The following RUSC2 variants were observed in gnomAD, a reference collection of about 807,000 sequenced individuals.
The protein encoded by RUSC2 is RUN and SH3 domain containing 2, also known as AP-4 complex accessory subunit RUSC2.
Under a neutral mutation model 122.2 loss-of-function variants are expected in RUSC2, and 34 were observed. The observed-to-expected ratio is 0.28, with a 90% CI of 0.21 to 0.37. RUSC2 has a LOEUF of 0.37. RUSC2 is among the 10% of genes least tolerant of loss of function. RUSC2 has a pLI of 1.00. For synonymous variants in RUSC2, 784 were observed against 790.0 expected (o/e 0.99, Z 0.13); for missense variants, 1,747 against 1,952.4 (o/e 0.89, Z 1.98).
At chr9:35,499,920 G>T (rs1820791102) in intron 1 of RUSC2, among the ~76,000 whole-genome samples, 1 of 152,110 alleles carries the variant, frequency 6.6e-6, no homozygotes, top group African/African-American at 2.4e-5. Context: ...TCCTCAAGTT[G>T]TTTCTCTTCC....
chr9:35,519,531 A>G (rs1320341574), intron 1 of RUSC2, among the ~76,000 whole-genome samples: 7 of 152,138 alleles, frequency 4.6e-5, no homozygotes, highest in Admixed American at 3.3e-4. Flanking sequence ...GGGCCAGCCT[A>G]CCAGCCTAGA....
chr9:35,527,497 T>C (rs1398003329), intron 1 of RUSC2, among the ~76,000 whole-genome samples: 1 of 152,178 alleles, frequency 6.6e-6, no homozygotes, highest in African/African-American at 2.4e-5. Flanking sequence ...GTTTCTAACT[T>C]CTGAACATAT....
intron 1 of RUSC2, among the ~76,000 whole-genome samples, chr9:35,490,574 A>G (rs1820546977): frequency 6.6e-6 from 1 of 152,132 alleles, no homozygotes; most frequent in African/African-American, 2.4e-5. Context: ...GCTTTGGGGA[A>G]GCGTGGCCGC....
At chr9:35,531,209 T>C (rs1821412768) in intron 1 of RUSC2, among the ~76,000 whole-genome samples, 2 of 151,942 alleles carry the variant, frequency 1.3e-5, no homozygotes, top group Non-Finnish European at 2.9e-5. Flanking sequence ...TGCAGTGAGC[T>C]GAGATCGCAC....
intron 2 of RUSC2, among the ~76,000 whole-genome samples, chr9:35,553,603 A>C (rs145284300): frequency 6.6e-6 from 1 of 152,324 alleles, no homozygotes; most frequent in South Asian, 2.1e-4. Context: ...GTGATATTTG[A>C]GCTGATGCCT....
chr9:35,547,103 G>A lies in RUSC2; in HGVS notation c.582G>A (p.Glu194=). 4 of 1,614,182 alleles carry A rather than the reference G, an allele frequency of 2.5e-6. No homozygotes were observed. In the South Asian group the frequency reaches 4.4e-5, roughly 18 times the overall value. Residue 194 remains glutamate (E), a synonymous_variant, in exon 2 of 12, where the codon GAG becomes GAA. Coordinates refer to ENST00000361226, the MANE Select transcript of RUSC2 (RefSeq NM_014806.5). The surrounding 1 kb of genome is among the most constrained non-coding windows in gnomAD (Gnocchi z 4.6). ...QCGTSHCCRP[E]LEAETMELDE... ...GCACCAGCCACTGCTGCCGGCCAGA[G>A]CTGGAAGCAGAGACTATGGAGCTGG...
Position 35,555,802 on chromosome 9 carries a change from G to C in RUSC2, c.2656+101G>C. On this transcript the variant is annotated intron_variant, in intron 3 of 11. Transcript: ENST00000361226. The surrounding 1 kb of genome is among the most constrained non-coding windows in gnomAD (Gnocchi z 4.6). The stretch of plus-strand genomic sequence containing the variant: ...GCTTACACTCTCACCTGGGGCCAGA[G>C]GTTAGGATGTCTGCATCCCTCCCTC... 6.8e-7 allele frequency: 1 copy of C among 1,478,692 alleles called. No homozygotes were observed. Among genetic ancestry groups the C allele is most frequent in the African/African-American group, 1.4e-5 (1 of 71,174 alleles). 91.6% of individuals were successfully genotyped at this position (1,478,692 alleles called of 1,614,324 possible). A position where few individuals can be genotyped will look rare whatever the true frequency, so the allele number is the denominator to read the frequency against.
intron 5 of RUSC2, among the ~76,000 whole-genome samples, chr9:35,556,728 G>A (rs1298854819): frequency 6.6e-6 from 1 of 152,234 alleles, no homozygotes; most frequent in East Asian, 1.9e-4. Context: ...TCGGGAGGCT[G>A]AGGCAGGAGA....
rs1306492511 is a variant in RUSC2, at chr9:35,556,149, G to C, written c.2842+12G>C. 2.5e-6 allele frequency: 4 copies of C among 1,613,560 alleles called. No individual in the cohort carries two copies. Among genetic ancestry groups the C allele is most frequent in the Non-Finnish European group, 3.4e-6 (4 of 1,179,710 alleles). ...CTGCCGGCTGAATGGTGTGTGAGCA[G>C]GGTCCCCAGTACACCCGGGGCAGGC... On this transcript the variant is annotated intron_variant, in intron 4 of 11. Coordinates refer to ENST00000361226, the MANE Select transcript of RUSC2 (RefSeq NM_014806.5).
chr9:35,560,723 G>A lies in RUSC2; in HGVS notation c.4083G>A (p.Glu1361=). 1 of 1,551,114 alleles carries A rather than the reference G, an allele frequency of 6.4e-7. No individual in the cohort carries two copies. Residue 1361 remains glutamate, a synonymous_variant, in exon 10 of 12, where the codon GAG becomes GAA. Coordinates refer to ENST00000361226, the MANE Select transcript of RUSC2 (RefSeq NM_014806.5). ...SVLAELRRSR[E]REGPAASPAE... is the part of the protein sequence containing the mutation. The stretch of plus-strand genomic sequence containing the variant: ...TGGCCGAGCTGAGGCGCAGTCGGGA[G>A]AGGGAAGGGCCCGCTGCCTCGCCAG...
intron 1 of RUSC2, among the ~76,000 whole-genome samples, chr9:35,496,623 A>C (rs1040667938): frequency 5.9e-5 from 9 of 152,194 alleles, no homozygotes; most frequent in Admixed American, 3.3e-4. Flanking sequence ...AGTTGTTATG[A>C]ATGTAACATG....
Position 35,560,325 on chromosome 9 carries a change from G to T in RUSC2, c.3685G>T (p.Val1229Leu), listed in dbSNP as rs751207436. The change falls in exon 10 of 12, where the codon GTG becomes TTG. Residue 1229 changes from valine to leucine, a missense_variant. Val to Leu is a conservative substitution (Grantham distance 32, BLOSUM62 1). Transcript: ENST00000361226. ...GGACAGGGCAGCCCAAGGGGAGCGG[G>T]TGAAGGGTGTGGGTGCCTCAGAAGG... Reference protein sequence around the residue: ...DVDRAAQGERVKGVGASEGGE... With the variant: ...DVDRAAQGERLKGVGASEGGE... The T allele has an allele frequency of 3.1e-6, 5 of 1,607,646 alleles. No individual in the cohort carries two copies. In the East Asian group the frequency reaches 1.1e-4, roughly 36 times the overall value.
Position 35,558,509 on chromosome 9 carries a change from T to C in RUSC2, c.3283T>C (p.Phe1095Leu). Residue 1095 changes from phenylalanine to leucine, a missense_variant, in exon 8 of 12, where the codon TTC becomes CTC. Physicochemically the swap from Phe to Leu is conservative, Grantham distance 22. Coordinates refer to ENST00000361226, the MANE Select transcript of RUSC2 (RefSeq NM_014806.5). This position sits in a 1 kb window ranked among gnomAD's most constrained non-coding sequence, Gnocchi z 4.3. The part of the protein sequence containing the change: ...LHGLYNKVSQ[F>L]PELTSHTMRF... ...TGGCCTCTACAACAAAGTCAGCCAA[T>C]TCCCAGAGCTCACCAGTCATACCAT... is the stretch of plus-strand genomic sequence containing the variant. 1.2e-6 allele frequency: 2 copies of C among 1,614,140 alleles called. No individual in the cohort carries two copies. Among genetic ancestry groups the C allele is most frequent in the Non-Finnish European group, 1.7e-6 (2 of 1,180,026 alleles).
intron 1 of RUSC2, among the ~76,000 whole-genome samples, chr9:35,517,694 G>A (rs1821135177): frequency 6.6e-6 from 1 of 152,158 alleles, no homozygotes; most frequent in Non-Finnish European, 1.5e-5. Flanking sequence ...CCTGAAAGAA[G>A]GGCACTGCAT....
Position 35,547,047 on chromosome 9 carries a change from C to G in RUSC2, c.526C>G (p.Pro176Ala). Residue 176 changes from proline (P) to alanine (A), a missense_variant, in exon 2 of 12, where the codon CCA becomes GCA. Pro to Ala is a conservative substitution (Grantham distance 27). Transcript: ENST00000361226. The surrounding 1 kb of genome is among the most constrained non-coding windows in gnomAD (Gnocchi z 4.6). Reference sequence around the variant, plus strand: ...AGTGGTGGAAGGGCAGGAACAGGAGCCAGTGATGACCTTGGATACTCAGCA... The same window carrying G: ...AGTGGTGGAAGGGCAGGAACAGGAGGCAGTGATGACCTTGGATACTCAGCA... ...AGVVEGQEQE[P>A]VMTLDTQQCG... 1 of 1,611,064 alleles carries G rather than the reference C, an allele frequency of 6.2e-7. No individual in the cohort carries two copies. The highest frequency in any genetic ancestry group is 2.2e-5 in the East Asian group (1 of 44,844).
At chr9:35,507,726 AT>A in intron 1 of RUSC2, 1 of 227,018 alleles carries the variant, frequency 4.4e-6, no homozygotes, top group Admixed American at 4.1e-5. Flanking sequence ...GAGTAAGCCG[AT>A]TTTCCAGAAA....
chr9:35,549,539 G>A (rs886068032), intron 2 of RUSC2, among the ~76,000 whole-genome samples: 1 of 152,204 alleles, frequency 6.6e-6, no homozygotes, highest in Non-Finnish European at 1.5e-5. Flanking sequence ...GCAGTGTTCC[G>A]TACTGGCCAG....
Position 35,555,396 on chromosome 9 carries a change from G to T in RUSC2, c.2351G>T (p.Arg784Leu), listed in dbSNP as rs137971910. The part of the protein sequence containing the change: ...PSPLGSYSPI[R>L]SVGPFGPSTD... ...CCCCTGGGCAGCTACTCCCCCATCC[G>T]GAGTGTTGGCCCCTTTGGGCCCAGC... Residue 784 changes from arginine to leucine, a missense_variant, in exon 3 of 12, where the codon CGG becomes CTG. Transcript: ENST00000361226. The surrounding 1 kb of genome is among the most constrained non-coding windows in gnomAD (Gnocchi z 4.6). 6.2e-7 allele frequency: 1 copy of T among 1,614,088 alleles called. No individual in the cohort carries two copies. Among genetic ancestry groups the T allele is most frequent in the Non-Finnish European group, 8.5e-7 (1 of 1,180,046 alleles).
At chr9:35,494,251 A>C (rs1013262706) in intron 1 of RUSC2, among the ~76,000 whole-genome samples, 2 of 152,010 alleles carry the variant, frequency 1.3e-5, no homozygotes, top group African/African-American at 4.8e-5. Flanking sequence ...GGATCACCTA[A>C]GGTCAGGAGT....
Sources: gnomAD v4.1 joint callset for allele counts (sites outside exome capture counted in the v4.1 genomes callset) on GRCh38, gnomAD v4.1.1 for gene constraint, Gnocchi (gnomAD v3.1) non-coding constraint, MANE v1.5 for transcripts, NCBI Gene and HGNC (gene_info 2026-07-23, HGNC 2026-07-21) for gene names.